The following TEAD1 variants were observed in gnomAD, a reference collection of about 807,000 sequenced individuals.
The protein encoded by TEAD1 is transcriptional enhancer factor TEF-1.
Under a neutral mutation model 54.9 loss-of-function variants are expected in TEAD1, and 9 were observed. That is an observed-to-expected ratio of 0.16 (90% confidence interval 0.10 to 0.29). TEAD1 has a LOEUF of 0.29. Among genes scored for constraint, TEAD1 ranks in the 10% least tolerant of loss-of-function variants. The probability of loss-of-function intolerance (pLI) is 1.00; values close to 1 mark genes in which losing one functional copy is unlikely to be tolerated. For synonymous variants in TEAD1, 200 were observed against 187.8 expected (o/e 1.07, Z -0.53); for missense variants, 387 against 535.9 (o/e 0.72, Z 2.74).
At chr11:12,734,888 A>C (rs1263048123) in intron 2 of TEAD1, among the ~76,000 whole-genome samples, 5 of 152,248 alleles carry the variant, frequency 3.3e-5, no homozygotes, top group African/African-American at 1.2e-4. Context: ...ACACCTGTGC[A>C]TTCATAGGCA....
intron 3 of TEAD1, among the ~76,000 whole-genome samples, chr11:12,811,537 A>G (rs1590174576): frequency 6.6e-6 from 1 of 152,190 alleles, no homozygotes; most frequent in African/African-American, 2.4e-5. Flanking sequence ...GTCTTCTCCA[A>G]GGTCTGTGTG....
chr11:12,765,445 T>C (rs1945187910), intron 3 of TEAD1, among the ~76,000 whole-genome samples: 1 of 152,238 alleles, frequency 6.6e-6, no homozygotes, highest in African/African-American at 2.4e-5. Flanking sequence ...GTATTTTACC[T>C]GAGGTTGTTA....
intron 9 of TEAD1, among the ~76,000 whole-genome samples, chr11:12,891,927 T>C (rs1164467744): frequency 1.3e-5 from 2 of 152,174 alleles, no homozygotes; most frequent in African/African-American, 4.8e-5. Flanking sequence ...TTTTGCTGCC[T>C]GGTGTTCTGG....
intron 2 of TEAD1, among the ~76,000 whole-genome samples, chr11:12,734,449 G>T (rs1334753939): frequency 2.0e-5 from 3 of 152,228 alleles, no homozygotes; most frequent in South Asian, 2.1e-4. Flanking sequence ...TGTGGCATAA[G>T]AATACACTGT....
rs939206868 is a variant in TEAD1, at chr11:12,940,989, G to A, written c.*3767G>A. 1 of 152,214 alleles carries A rather than the reference G, an allele frequency of 6.6e-6. No individual in the cohort carries two copies. The highest frequency in any genetic ancestry group is 1.5e-5 in the Non-Finnish European group (1 of 68,076). 9.4% of individuals were successfully genotyped at this position (152,214 alleles called of 1,614,324 possible). A position where few individuals can be genotyped will look rare whatever the true frequency, so the allele number is the denominator to read the frequency against. ...CGATGAGAAAGTTGAGGCCAGAGGG[G>A]AGGTGACATGTTTAGAGTCACCCAG... On this transcript the variant is annotated 3_prime_UTR_variant, in exon 13 of 13. Transcript: ENST00000527636.
chr11:12,716,017 T>TC (rs1026091399), intron 2 of TEAD1, among the ~76,000 whole-genome samples: 8 of 151,158 alleles, frequency 5.3e-5, no homozygotes, highest in Admixed American at 2.0e-4. Flanking sequence ...CTCCCCACCT[T>TC]CCCCCCAAGA....
chr11:12,741,321 T>A (rs1314359383), intron 2 of TEAD1, among the ~76,000 whole-genome samples: 1 of 152,196 alleles, frequency 6.6e-6, no homozygotes, highest in Non-Finnish European at 1.5e-5. Flanking sequence ...ATAATTTTTG[T>A]CTTCTAATGA....
intron 3 of TEAD1, among the ~76,000 whole-genome samples, chr11:12,790,867 G>T (rs1945787002): frequency 6.6e-6 from 1 of 152,186 alleles, no homozygotes; most frequent in East Asian, 1.9e-4. Context: ...AACAAGTGTT[G>T]GTGAGGGGGG....
chr11:12,684,993 C>T (rs548909730), intron 2 of TEAD1, among the ~76,000 whole-genome samples: 24 of 152,258 alleles, frequency 1.6e-4, no homozygotes, highest in African/African-American at 5.5e-4. Context: ...CTTGTGTTTT[C>T]GAAGTCAGCT....
chr11:12,870,122 C>T (rs187293863), intron 5 of TEAD1, among the ~76,000 whole-genome samples: 15 of 152,244 alleles, frequency 9.9e-5, no homozygotes, highest in African/African-American at 2.4e-4. Flanking sequence ...TCAAGTGATG[C>T]GCCTGCCTCA....
At chr11:12,717,011 C>A (rs1944077491) in intron 2 of TEAD1, among the ~76,000 whole-genome samples, 1 of 152,210 alleles carries the variant, frequency 6.6e-6, no homozygotes, top group African/African-American at 2.4e-5. Context: ...CAGCTGCCCA[C>A]AATGTGGGTA....
chr11:12,844,201 T>C (rs1248430919), intron 3 of TEAD1, among the ~76,000 whole-genome samples: 3 of 152,214 alleles, frequency 2.0e-5, no homozygotes, highest in Admixed American at 2.0e-4. Context: ...AATAATTTAG[T>C]TACAAGGTCT....
chr11:12,814,716 G>A (rs1037261202), intron 3 of TEAD1, among the ~76,000 whole-genome samples: 15 of 151,980 alleles, frequency 9.9e-5, no homozygotes, highest in Admixed American at 3.3e-4. Context: ...TTGTCACACC[G>A]TAAGCAAGAC....
chr11:12,702,111 A>G (rs1236816937), intron 2 of TEAD1, among the ~76,000 whole-genome samples: 2 of 151,802 alleles, frequency 1.3e-5, no homozygotes, highest in African/African-American at 2.4e-5. Flanking sequence ...TTTTCTGTGT[A>G]CTCCCTTTAT....
chr11:12,884,865 G>A (rs1019207425), intron 9 of TEAD1, among the ~76,000 whole-genome samples: 1 of 152,192 alleles, frequency 6.6e-6, no homozygotes, highest in African/African-American at 2.4e-5. Flanking sequence ...ACTGAAAGAT[G>A]CCCTGCGTGA....
intron 2 of TEAD1, among the ~76,000 whole-genome samples, chr11:12,676,353 C>G (rs929356331): frequency 1.3e-5 from 2 of 152,282 alleles, no homozygotes; most frequent in East Asian, 1.9e-4. Context: ...GAGATGTGAT[C>G]CACTGTGTAG....
At chr11:12,924,788 C>T in intron 10 of TEAD1, 124 bp from the exon 11 acceptor site, 3 of 1,195,052 alleles carry the variant, frequency 2.5e-6, no homozygotes, top group South Asian at 2.4e-5. Context: ...TCTAGATGAG[C>T]ATCACCTTCC....
At chr11:12,868,509 G>A (rs915049179) in intron 5 of TEAD1, among the ~76,000 whole-genome samples, 1 of 152,152 alleles carries the variant, frequency 6.6e-6, no homozygotes, top group Admixed American at 6.5e-5. Context: ...TGATAGATGA[G>A]TCATCCTAGC....
chr11:12,785,857 A>G (rs1370676195), intron 3 of TEAD1, among the ~76,000 whole-genome samples: 2 of 152,232 alleles, frequency 1.3e-5, no homozygotes, highest in Non-Finnish European at 2.9e-5. Flanking sequence ...GATTTTCAGT[A>G]GCTAGGGTGG....
Sources: gnomAD v4.1 joint callset for allele counts (sites outside exome capture counted in the v4.1 genomes callset) on GRCh38, gnomAD v4.1.1 for gene constraint, MANE v1.5 for transcripts, NCBI Gene and HGNC (gene_info 2026-07-23, HGNC 2026-07-21) for gene names.